Variants in FHIT observed in about 807,000 individuals in gnomAD.
FHIT encodes the protein fragile histidine triad diadenosine triphosphatase, also known as bis(5'-adenosyl)-triphosphatase.
In FHIT, 19 loss-of-function variants were observed where a neutral mutation model predicts 17.9. The ratio of observed to expected loss-of-function variants is 1.06; its 90% CI spans 0.74 to 1.56. FHIT has a LOEUF of 1.56. Among genes scored for constraint, FHIT ranks in the 40% most tolerant of loss-of-function variants. FHIT has a pLI of 0.00. For missense variants in FHIT, 248 were observed against 189.2 expected (o/e 1.31, Z -1.82); for synonymous variants, 81 against 69.7 (o/e 1.16, Z -0.81).
chr3:60,111,256 C>T (rs555494603), intron 5 of FHIT, among the ~76,000 whole-genome samples: 8 of 152,176 alleles, frequency 5.3e-5, no homozygotes, highest in African/African-American at 1.9e-4. Flanking sequence ...TCACATATAC[C>T]CGTATATAAG....
chr3:61,194,769 T>C (rs968331084), intron 2 of FHIT, among the ~76,000 whole-genome samples: 10 of 152,224 alleles, frequency 6.6e-5, no homozygotes, highest in South Asian at 2.1e-4. Context: ...AAAATGTTCT[T>C]GAAGGAAATA....
At chr3:60,650,734 G>A (rs1427390711) in intron 4 of FHIT, among the ~76,000 whole-genome samples, 5 of 152,066 alleles carry the variant, frequency 3.3e-5, no homozygotes, top group Non-Finnish European at 7.4e-5. Context: ...AAAACTACGC[G>A]GGTCATTTGG....
At chr3:60,076,152 A>G (rs1702996523) in intron 5 of FHIT, among the ~76,000 whole-genome samples, 1 of 152,076 alleles carries the variant, frequency 6.6e-6, no homozygotes, top group African/African-American at 2.4e-5. Flanking sequence ...TACAATTACT[A>G]CTGGAAATGA....
chr3:60,430,184 A>G (rs1702829822), intron 5 of FHIT, among the ~76,000 whole-genome samples: 1 of 152,078 alleles, frequency 6.6e-6, no homozygotes, highest in Admixed American at 6.6e-5. Flanking sequence ...AGCTGTGAGG[A>G]TACAATGAGA....
At chr3:60,821,856 T>C (rs1419482654) in intron 4 of FHIT, 63 bp downstream of exon 4, 1 of 152,058 alleles carries the variant, frequency 6.6e-6, no homozygotes, top group Non-Finnish European at 1.5e-5. Flanking sequence ...ATTATAAGGA[T>C]ACTCACAGCA....
chr3:60,849,291 C>T (rs1575595091), intron 3 of FHIT, among the ~76,000 whole-genome samples: 1 of 151,504 alleles, frequency 6.6e-6, no homozygotes, highest in African/African-American at 2.4e-5. Context: ...TTGGCCCTTC[C>T]GTGTACCAAC....
At chr3:60,776,863 A>C (rs1443031807) in intron 4 of FHIT, among the ~76,000 whole-genome samples, 1 of 152,222 alleles carries the variant, frequency 6.6e-6, no homozygotes, top group African/African-American at 2.4e-5. Flanking sequence ...ATTAGGAAAA[A>C]GCTGAAGGTT....
chr3:59,921,869 C>G (rs969234436), intron 8 of FHIT, among the ~76,000 whole-genome samples: 2 of 152,208 alleles, frequency 1.3e-5, no homozygotes, highest in Non-Finnish European at 2.9e-5. Flanking sequence ...TACACTTACT[C>G]AAACCAACCT....
intron 5 of FHIT, among the ~76,000 whole-genome samples, chr3:60,504,015 A>G (rs1353339134): frequency 1.3e-5 from 2 of 152,194 alleles, no homozygotes; most frequent in Non-Finnish European, 2.9e-5. Context: ...TCACAAAGTG[A>G]CGTTAATTTT....
At chr3:60,590,157 A>T (rs917635506) in intron 4 of FHIT, among the ~76,000 whole-genome samples, 1 of 152,094 alleles carries the variant, frequency 6.6e-6, no homozygotes, top group Non-Finnish European at 1.5e-5. Flanking sequence ...TTTTTTAAAT[A>T]TTATGAACCA....
chr3:60,681,670 T>G (rs1450835428), intron 4 of FHIT, among the ~76,000 whole-genome samples: 1 of 152,190 alleles, frequency 6.6e-6, no homozygotes, highest in Non-Finnish European at 1.5e-5. Flanking sequence ...ACAGGCTTGT[T>G]GAGGATATGG....
intron 2 of FHIT, among the ~76,000 whole-genome samples, chr3:61,050,017 A>G (rs377680049): frequency 4.6e-5 from 7 of 152,132 alleles, no homozygotes; most frequent in African/African-American, 1.7e-4. Flanking sequence ...CATATGTCCA[A>G]TCATACTTCA....
Position 60,180,550 on chromosome 3 carries a change from C to A in FHIT, c.104-166398G>T, listed in dbSNP as rs183926582. 1.4e-4 allele frequency among the ~76,000 whole-genome samples: 21 copies of A among 152,238 alleles called. No individual in the cohort carries two copies. The East Asian group carries it at 2.5e-3, about 18-fold the overall frequency. Reference sequence around the variant, plus strand: ...AGTCTTCAAGAAATATCCTGAAGTACTGTTTCTAACAGCTTCATTTTAAAA... The same window carrying A: ...AGTCTTCAAGAAATATCCTGAAGTAATGTTTCTAACAGCTTCATTTTAAAA... On this transcript the variant is annotated intron_variant, in intron 5 of 9. Transcript: ENST00000492590.
At chr3:60,120,220 G>A (rs957029025) in intron 5 of FHIT, among the ~76,000 whole-genome samples, 1 of 152,064 alleles carries the variant, frequency 6.6e-6, no homozygotes, top group African/African-American at 2.4e-5. Flanking sequence ...CCACCCAACT[G>A]GACAGTAAAC....
intron 8 of FHIT, among the ~76,000 whole-genome samples, chr3:59,825,080 T>C (rs540732307): frequency 1.3e-5 from 2 of 152,350 alleles, no homozygotes; most frequent in African/African-American, 4.8e-5. Context: ...GTTTGAAGTG[T>C]TGCAGTCTCC....
chr3:60,858,149 A>G (rs538757962), intron 3 of FHIT, among the ~76,000 whole-genome samples: 1 of 152,218 alleles, frequency 6.6e-6, no homozygotes, highest in Non-Finnish European at 1.5e-5. Flanking sequence ...TGCAATGAAC[A>G]CTTAATGAGT....
chr3:60,410,903 A>G (rs1441437896), intron 5 of FHIT, among the ~76,000 whole-genome samples: 1 of 152,114 alleles, frequency 6.6e-6, no homozygotes, highest in Non-Finnish European at 1.5e-5. Flanking sequence ...GAGTAATAAG[A>G]CAGAGAACTT....
intron 7 of FHIT, among the ~76,000 whole-genome samples, chr3:59,934,364 C>T (rs989458359): frequency 2.0e-5 from 3 of 152,036 alleles, no homozygotes; most frequent in African/African-American, 7.2e-5. Flanking sequence ...AGTTCTAAGC[C>T]CACTGCCCCT....
intron 4 of FHIT, among the ~76,000 whole-genome samples, chr3:60,582,234 G>A (rs563052064): frequency 2.0e-5 from 3 of 152,150 alleles, no homozygotes; most frequent in African/African-American, 7.2e-5. Context: ...AACCAAGGTT[G>A]AGAATCATTT....
Sources: allele counts gnomAD v4.1 joint callset (sites outside exome capture counted in the v4.1 genomes callset), GRCh38; gene constraint gnomAD v4.1.1; transcripts MANE v1.5; gene names NCBI Gene and HGNC (gene_info 2026-07-23, HGNC 2026-07-21).